The following BTBD9 variants were observed in gnomAD, a reference collection of about 807,000 sequenced individuals.
The protein encoded by BTBD9 is BTB/POZ domain-containing protein 9.
Under a neutral mutation model 64.3 loss-of-function variants are expected in BTBD9, and 49 were observed. The ratio of observed to expected loss-of-function variants is 0.76; its 90% CI spans 0.61 to 0.97. The LOEUF is 0.97. Among genes scored for constraint, BTBD9 ranks in the 50% least tolerant of loss-of-function variants. BTBD9 has a pLI of 0.00. For synonymous variants in BTBD9, 260 were observed against 274.7 expected, an observed-to-expected ratio of 0.95 and a Z score of 0.53; for missense variants, 598 against 762.1, an observed-to-expected ratio of 0.78 and a Z score of 2.53.
intron 6 of BTBD9, among the ~76,000 whole-genome samples, chr6:38,533,141 G>C (rs956946138): frequency 6.6e-6 from 1 of 151,718 alleles, no homozygotes; most frequent in Non-Finnish European, 1.5e-5. Context: ...AAAAAAACAA[G>C]ACCCAACAAT....
chr6:38,518,833 G>A (rs1434241333), intron 6 of BTBD9, among the ~76,000 whole-genome samples: 1 of 152,170 alleles, frequency 6.6e-6, no homozygotes, highest in Non-Finnish European at 1.5e-5. Context: ...CATTATACAA[G>A]GGATAAGGTT....
At chr6:38,407,603 G>A (rs1291824576) in intron 6 of BTBD9, among the ~76,000 whole-genome samples, 2 of 152,150 alleles carry the variant, frequency 1.3e-5, no homozygotes, top group Non-Finnish European at 2.9e-5. Context: ...CAATGTGCTA[G>A]ACTTCAGTTC....
At chr6:38,243,911 C>T (rs1014059627) in intron 9 of BTBD9, among the ~76,000 whole-genome samples, 4 of 152,068 alleles carry the variant, frequency 2.6e-5, no homozygotes, top group African/African-American at 7.2e-5. Flanking sequence ...GAAGAAAACA[C>T]GAGCCTCTTA....
chr6:38,545,558 T>A (rs1416564744), intron 6 of BTBD9, among the ~76,000 whole-genome samples: 1 of 151,784 alleles, frequency 6.6e-6, no homozygotes, highest in Non-Finnish European at 1.5e-5. Flanking sequence ...GGTGGGCAAA[T>A]CACGAGGTCA....
At chr6:38,518,097 AG>A (rs1397268834) in intron 6 of BTBD9, among the ~76,000 whole-genome samples, 2 of 152,236 alleles carry the variant, frequency 1.3e-5, no homozygotes, top group African/African-American at 4.8e-5. Flanking sequence ...CCAATACAGT[AG>A]CAAATGTCAC....
chr6:38,603,944 T>C (rs1777341785), intron 1 of BTBD9, among the ~76,000 whole-genome samples: 1 of 152,162 alleles, frequency 6.6e-6, no homozygotes, highest in South Asian at 2.1e-4. Context: ...ATAAATGATG[T>C]CCTGTCTGCA....
intron 6 of BTBD9, among the ~76,000 whole-genome samples, chr6:38,405,268 C>T (rs1478599505): frequency 6.6e-6 from 1 of 151,824 alleles, no homozygotes; most frequent in African/African-American, 2.4e-5. Flanking sequence ...AACCTGATAC[C>T]CTATAAGACA....
chr6:38,434,614 C>T (rs1691643578), intron 6 of BTBD9, among the ~76,000 whole-genome samples: 1 of 151,914 alleles, frequency 6.6e-6, no homozygotes, highest in Admixed American at 6.5e-5. Flanking sequence ...GTGTCACGGG[C>T]CAAGGTCACT....
At chr6:38,445,996 G>A (rs1038039997) in intron 6 of BTBD9, among the ~76,000 whole-genome samples, 1 of 152,186 alleles carries the variant, frequency 6.6e-6, no homozygotes, top group African/African-American at 2.4e-5. Flanking sequence ...TATATTAAAT[G>A]TTTGTAATGC....
intron 8 of BTBD9, among the ~76,000 whole-genome samples, chr6:38,278,879 C>A (rs1334191861): frequency 2.0e-5 from 3 of 152,152 alleles, no homozygotes; most frequent in Non-Finnish European, 4.4e-5. Flanking sequence ...AGATCCTGAC[C>A]ATTAAGTCTT....
intron 8 of BTBD9, among the ~76,000 whole-genome samples, chr6:38,265,505 T>C (rs1764942158): frequency 7.8e-6 from 1 of 128,538 alleles, no homozygotes; most frequent in African/African-American, 3.1e-5. Flanking sequence ...CCAATCTTTT[T>C]TTTTTTTTTT....
chr6:38,481,212 T>TA (rs1165514700), intron 6 of BTBD9, among the ~76,000 whole-genome samples: 1 of 152,190 alleles, frequency 6.6e-6, no homozygotes, highest in Admixed American at 6.5e-5. Flanking sequence ...CATTCACAGA[T>TA]AGATACTTTC....
intron 1 of BTBD9, among the ~76,000 whole-genome samples, chr6:38,616,232 T>C (rs1038814437): frequency 1.3e-5 from 2 of 152,070 alleles, no homozygotes; most frequent in Non-Finnish European, 2.9e-5. Flanking sequence ...CCACTGAGCT[T>C]AATAGAGGAC....
chr6:38,622,725 C>CATA (rs1287028555), intron 1 of BTBD9, among the ~76,000 whole-genome samples: 1 of 152,180 alleles, frequency 6.6e-6, no homozygotes, highest in African/African-American at 2.4e-5. Flanking sequence ...GCCCCTGGGG[C>CATA]ACCTACTATC....
At chr6:38,324,170 A>G (rs989130425) in intron 7 of BTBD9, among the ~76,000 whole-genome samples, 2 of 152,228 alleles carry the variant, frequency 1.3e-5, no homozygotes, top group African/African-American at 4.8e-5. Context: ...CTTGTTATAC[A>G]TTGGTCCAGA....
At chr6:38,349,244 G>A (rs569362296) in intron 6 of BTBD9, among the ~76,000 whole-genome samples, 3 of 151,970 alleles carry the variant, frequency 2.0e-5, no homozygotes, top group Admixed American at 6.6e-5. Flanking sequence ...TCAATAACAC[G>A]AACTTTACAG....
At chr6:38,500,388 T>C (rs1772143004) in intron 6 of BTBD9, among the ~76,000 whole-genome samples, 1 of 152,178 alleles carries the variant, frequency 6.6e-6, no homozygotes, top group African/African-American at 2.4e-5. Context: ...AAATAAAAAT[T>C]TACGGCAGTA....
chr6:38,169,094 T>A lies in BTBD9; in HGVS notation c.*5891A>T, dbSNP rs541687606. ...AGCTCTGCCCCAGTATCCCCCAGCC[T>A]GGGCGGCCGGGCTGTGCTCCCTGAG... On this transcript the variant is annotated 3_prime_UTR_variant, in exon 11 of 11. Coordinates refer to ENST00000481247, the MANE Select transcript of BTBD9 (RefSeq NM_001099272.2). 1 of 152,802 alleles carries A rather than the reference T, an allele frequency of 6.5e-6. No individual in the cohort carries two copies. Among genetic ancestry groups the A allele is most frequent in the South Asian group, 2.1e-4 (1 of 4,826 alleles). The allele number at this position is 152,802 out of a possible 1,614,324, so 9.5% of individuals were successfully genotyped here. A position where few individuals can be genotyped will look rare whatever the true frequency, so the allele number is the denominator to read the frequency against.
Position 38,268,875 on chromosome 6 carries a change from T to C in BTBD9, c.1455-12359A>G, listed in dbSNP as rs117201640. Among the ~76,000 whole-genome samples, 220 of 152,292 alleles carry C rather than the reference T, an allele frequency of 1.4e-3. 4 individuals carry two copies. In the East Asian group the frequency reaches 0.031, roughly 21 times the overall value. On this transcript the variant is annotated intron_variant, in intron 8 of 10. Coordinates refer to ENST00000481247, the MANE Select transcript of BTBD9 (RefSeq NM_001099272.2). The stretch of plus-strand genomic sequence containing the variant: ...CCCTTGGCGAACTTACTACTGCCCC[T>C]CTCCCACTGCATTCCCAAATCTGTT...
Sources: allele counts gnomAD v4.1 joint callset (sites outside exome capture counted in the v4.1 genomes callset), GRCh38; gene constraint gnomAD v4.1.1; transcripts MANE v1.5; gene names NCBI Gene and HGNC (gene_info 2026-07-23, HGNC 2026-07-21).